The following HCLS1 variants were observed in gnomAD, a reference collection of about 807,000 sequenced individuals.
The protein encoded by HCLS1 is hematopoietic cell-specific Lyn substrate 1, also known as hematopoietic lineage cell-specific protein.
HCLS1 carries 44 observed loss-of-function variants against 68.6 expected under a neutral mutation model. The observed-to-expected ratio is 0.64, with a 90% CI of 0.50 to 0.82. HCLS1 has a LOEUF of 0.82. HCLS1 is among the 40% of genes least tolerant of loss of function. HCLS1 has a pLI of 0.00. For missense variants in HCLS1, 602 were observed against 612.1 expected, an observed-to-expected ratio of 0.98 and a Z score of 0.17; for synonymous variants, 217 against 225.8, an observed-to-expected ratio of 0.96 and a Z score of 0.35.
rs941167471 is a variant in HCLS1, at chr3:121,637,243, G to A, written c.468C>T (p.Gly156=). 2 of 1,613,366 alleles carry A rather than the reference G, an allele frequency of 1.2e-6. No individual in the cohort carries two copies. Among genetic ancestry groups the A allele is most frequent in the Non-Finnish European group, 8.5e-7 (1 of 1,179,346 alleles). The change falls in exon 7 of 14, where the codon GGC becomes GGT. Residue 156 remains glycine, a synonymous_variant. Coordinates refer to ENST00000314583, the MANE Select transcript of HCLS1 (RefSeq NM_005335.6). ...KHTSQKDYSR[G]FGGRYGVEKD... is the part of the protein sequence containing the mutation. ...TCTCCACCCCGTACCGGCCACCAAA[G>A]CCACGAGAGTAATCTGTGGTCGAAG...
chr3:121,637,276 C>G lies in HCLS1; in HGVS notation c.455-20G>C. 6.5e-7 allele frequency: 1 copy of G among 1,532,006 alleles called. No homozygotes were observed. Among genetic ancestry groups the G allele is most frequent in the South Asian group, 1.1e-5 (1 of 89,450 alleles). The allele number at this position is 1,532,006 out of a possible 1,614,324, so 94.9% of individuals were successfully genotyped here. A position where few individuals can be genotyped will look rare whatever the true frequency, so the allele number is the denominator to read the frequency against. The stretch of plus-strand genomic sequence containing the variant: ...AGTAATCTGTGGTCGAAGGAGCAGT[C>G]ATGAGAGCCCACCCTTAGGCTCCAG... On this transcript the variant is annotated intron_variant, in intron 6 of 13. Transcript: ENST00000314583.
chr3:121,658,407 T>C (rs1576223200), intron 1 of HCLS1, 60 bp from the exon 2 acceptor site: 3 of 1,304,770 alleles, frequency 2.3e-6, no homozygotes, highest in Non-Finnish European at 1.1e-6. Flanking sequence ...GGAGGGAAAA[T>C]AGGAATGCTG....
At chr3:121,641,615 T>A (rs1345802153) in intron 6 of HCLS1, among the ~76,000 whole-genome samples, 4 of 152,144 alleles carry the variant, frequency 2.6e-5, no homozygotes, top group Admixed American at 2.6e-4. Context: ...ATATGGTTGG[T>A]TAAAAAGAAT....
At chr3:121,644,294 C>T in intron 5 of HCLS1, 7 of 217,188 alleles carry the variant, frequency 3.2e-5, no homozygotes, top group East Asian at 1.0e-4. Flanking sequence ...TTTTTTTTCT[C>T]TTTAAAACAA....
chr3:121,651,212 C>T (rs1056949089), intron 3 of HCLS1, among the ~76,000 whole-genome samples: 1 of 152,016 alleles, frequency 6.6e-6, no homozygotes, highest in African/African-American at 2.4e-5. Context: ...ACATATTTCA[C>T]AAAAGACTTA....
chr3:121,645,929 T>C (rs1453634826), intron 4 of HCLS1, among the ~76,000 whole-genome samples: 1 of 141,660 alleles, frequency 7.1e-6, no homozygotes, highest in Non-Finnish European at 1.5e-5. Context: ...TATATTAAAA[T>C]ATACATAATA....
intron 3 of HCLS1, 172 bp from the exon 4 acceptor site, chr3:121,647,620 C>T (rs1018770136): frequency 1.1e-4 from 63 of 565,408 alleles, no homozygotes; most frequent in Non-Finnish European, 5.9e-5. Flanking sequence ...GGCCTGCATA[C>T]CATAGCCTGA....
intron 3 of HCLS1, among the ~76,000 whole-genome samples, chr3:121,652,647 G>A (rs990431392): frequency 3.3e-5 from 5 of 152,100 alleles, no homozygotes; most frequent in Admixed American, 2.6e-4. Flanking sequence ...ATGACAGAGC[G>A]AAACTCCGTC....
chr3:121,648,994 A>C (rs964794246), intron 3 of HCLS1, among the ~76,000 whole-genome samples: 1 of 152,202 alleles, frequency 6.6e-6, no homozygotes, highest in African/African-American at 2.4e-5. Context: ...TTTACTTTCA[A>C]ATGGAAAAAA....
chr3:121,659,736 C>T (rs1455048359), intron 1 of HCLS1, among the ~76,000 whole-genome samples: 1 of 151,808 alleles, frequency 6.6e-6, no homozygotes, highest in African/African-American at 2.4e-5. Flanking sequence ...CCCTCTGCTT[C>T]TCATCCCCTG....
chr3:121,636,397 G>A (rs2049151585), intron 8 of HCLS1, 37 bp downstream of exon 8: 1 of 1,539,458 alleles, frequency 6.5e-7, no homozygotes, highest in Non-Finnish European at 9.0e-7. Context: ...TAAACTTAGG[G>A]AACTCTTCTT....
chr3:121,643,737 T>G (rs1480399984), intron 5 of HCLS1: 1 of 152,252 alleles, frequency 6.6e-6, no homozygotes, highest in Non-Finnish European at 1.5e-5. Context: ...TATTAAGAAC[T>G]AATTAACATG....
intron 1 of HCLS1, among the ~76,000 whole-genome samples, chr3:121,660,418 T>C (rs902578200): frequency 6.6e-6 from 1 of 152,202 alleles, no homozygotes; most frequent in Non-Finnish European, 1.5e-5. Context: ...GACTACTTCC[T>C]GATCTGTTAC....
chr3:121,658,212 C>G, intron 2 of HCLS1, 52 bp downstream of exon 2: 30 of 1,300,116 alleles, frequency 2.3e-5, no homozygotes, highest in Non-Finnish European at 3.2e-5. Flanking sequence ...GCCCAGATGC[C>G]CTCCTCACCC....
At position 121,631,616 on chromosome 3, in the gene HCLS1, T is replaced by C; in HGVS notation, c.*230A>G. The C allele has an allele frequency of 6.0e-6, 3 of 497,444 alleles. No individual in the cohort carries two copies. Among genetic ancestry groups the C allele is most frequent in the South Asian group, 2.8e-5 (1 of 35,640 alleles). 30.8% of individuals were successfully genotyped at this position (497,444 alleles called of 1,614,324 possible). ...CAGAGAGGTGTTCATTGGGAAGGAGTCAGGAACACAAGAGAAATGTTCATG... is the reference window on the plus strand; with the variant it reads ...CAGAGAGGTGTTCATTGGGAAGGAGCCAGGAACACAAGAGAAATGTTCATG... On this transcript the variant is annotated 3_prime_UTR_variant, in exon 14 of 14. Transcript: ENST00000314583.
chr3:121,660,382 G>C (rs1159752624), intron 1 of HCLS1, among the ~76,000 whole-genome samples: 2 of 152,106 alleles, frequency 1.3e-5, no homozygotes, highest in East Asian at 1.9e-4. Flanking sequence ...ATCAGCACTT[G>C]GTACTCAGTG....
At chr3:121,646,441 T>C (rs1490632004) in intron 4 of HCLS1, among the ~76,000 whole-genome samples, 1 of 102,198 alleles carries the variant, frequency 9.8e-6, no homozygotes, top group Non-Finnish European at 1.7e-5. Context: ...GTATTAATAA[T>C]GTAGATTATA....
At chr3:121,642,301 T>C (rs930223649) in intron 6 of HCLS1, among the ~76,000 whole-genome samples, 1 of 71,882 alleles carries the variant, frequency 1.4e-5, no homozygotes, top group Non-Finnish European at 2.9e-5. Flanking sequence ...CTACTAAAAA[T>C]ACAAAAAAAA....
chr3:121,658,536 G>A (rs1165003874), intron 1 of HCLS1, among the ~76,000 whole-genome samples, 189 bp from the exon 2 acceptor site: 4 of 152,172 alleles, frequency 2.6e-5, no homozygotes, highest in Admixed American at 6.5e-5. Flanking sequence ...TACAAGATGA[G>A]AGATGGGACT....
Sources: gnomAD v4.1 joint callset for allele counts (sites outside exome capture counted in the v4.1 genomes callset) on GRCh38, gnomAD v4.1.1 for gene constraint, MANE v1.5 for transcripts, NCBI Gene and HGNC (gene_info 2026-07-23, HGNC 2026-07-21) for gene names.